The following CAPZA2 variants were observed in gnomAD, a reference collection of about 807,000 sequenced individuals.
CAPZA2 encodes capping actin protein of muscle Z-line subunit alpha 2.
CAPZA2 carries 13 observed loss-of-function variants against 44.0 expected under a neutral mutation model. The ratio of observed to expected loss-of-function variants is 0.30; its 90% CI spans 0.19 to 0.47. The LOEUF (loss-of-function observed/expected upper bound fraction) is 0.47, where lower values mean the gene tolerates loss of function less well. CAPZA2 is among the 20% of genes least tolerant of loss of function. The pLI, the probability that CAPZA2 is intolerant of heterozygous loss-of-function variation, is 1.00. For missense variants in CAPZA2, 244 were observed against 338.6 expected (o/e 0.72, Z 2.19); for synonymous variants, 94 against 108.2 (o/e 0.87, Z 0.81).
At chr7:116,911,663 A>G (rs1364944101) in intron 7 of CAPZA2, among the ~76,000 whole-genome samples, 1 of 152,212 alleles carries the variant, frequency 6.6e-6, no homozygotes, top group East Asian at 1.9e-4. Flanking sequence ...CAGTGTTTAC[A>G]GCACTCATTC....
chr7:116,916,246 G>GC, intron 9 of CAPZA2, 124 bp downstream of exon 9: 5 of 967,060 alleles, frequency 5.2e-6, no homozygotes, highest in South Asian at 2.4e-5. Context: ...TTGTGTGTCT[G>GC]CTTTTAACAC....
intron 4 of CAPZA2, among the ~76,000 whole-genome samples, chr7:116,902,204 G>A (rs1797004583): frequency 6.6e-6 from 1 of 152,158 alleles, no homozygotes; most frequent in Non-Finnish European, 1.5e-5. Flanking sequence ...GTTTTAAAAT[G>A]TGAAAAGTGG....
chr7:116,904,969 TAAAAA>T (rs371485695), intron 5 of CAPZA2, among the ~76,000 whole-genome samples: 5 of 95,630 alleles, frequency 5.2e-5, no homozygotes, highest in Admixed American at 1.2e-4. Flanking sequence ...TGTCTCTACT[TAAAAA>T]AAAAAAAAAA....
rs900504707 is a variant in CAPZA2, at chr7:116,918,518, C to T, written c.*651C>T. ...AATGAAAATACTTATTTCAGAAATGCATTTAATGCTTTTTTTCTTGTGACA... is the reference window on the plus strand; with the variant it reads ...AATGAAAATACTTATTTCAGAAATGTATTTAATGCTTTTTTTCTTGTGACA... On this transcript the variant is annotated 3_prime_UTR_variant, in exon 10 of 10. Transcript: ENST00000361183. 2 of 152,550 alleles carry T rather than the reference C, an allele frequency of 1.3e-5. No individual in the cohort carries two copies. The highest frequency in any genetic ancestry group is 2.4e-5 in the African/African-American group (1 of 41,416). 9.4% of individuals were successfully genotyped at this position (152,550 alleles called of 1,614,324 possible).
At position 116,901,044 on chromosome 7, in the gene CAPZA2, T is replaced by C. The variant is rs185146672; in HGVS notation, c.219+2209T>C. Among the ~76,000 whole-genome samples, 29 of 152,212 alleles carry C rather than the reference T, an allele frequency of 1.9e-4. No individual in the cohort carries two copies. The East Asian group carries it at 5.6e-3, about 29-fold the overall frequency. The stretch of plus-strand genomic sequence containing the variant: ...TGGTGAGGTTACGGAGCAAAAGGAA[T>C]GCTTATACACTGTTGGTGGGAGTGT... On this transcript the variant is annotated intron_variant, in intron 4 of 9. Transcript: ENST00000361183.
intron 3 of CAPZA2, among the ~76,000 whole-genome samples, chr7:116,897,323 A>G (rs1322146880): frequency 6.6e-6 from 1 of 152,214 alleles, no homozygotes; most frequent in Non-Finnish European, 1.5e-5. Flanking sequence ...TGAATTAGGA[A>G]AATGAGAAGT....
intron 9 of CAPZA2, 48 bp from the exon 10 acceptor site, chr7:116,917,679 G>T (rs527262955): frequency 1.5e-6 from 2 of 1,327,366 alleles, no homozygotes; most frequent in South Asian, 1.2e-5. Flanking sequence ...TTTATAAATT[G>T]TTCTGTTCTT....
intron 3 of CAPZA2, among the ~76,000 whole-genome samples, chr7:116,894,806 C>T (rs1245713822): frequency 6.6e-6 from 1 of 152,144 alleles, no homozygotes; most frequent in Non-Finnish European, 1.5e-5. Context: ...CAAAGTTTAT[C>T]CATATTGTAG....
chr7:116,896,616 A>G (rs990879804), intron 3 of CAPZA2, among the ~76,000 whole-genome samples: 3 of 152,192 alleles, frequency 2.0e-5, no homozygotes, highest in Non-Finnish European at 2.9e-5. Context: ...GGAGAAAAGT[A>G]TAAGATACAA....
intron 3 of CAPZA2, 98 bp from the exon 4 acceptor site, chr7:116,898,673 TG>T (rs1796956493): frequency 1.8e-5 from 12 of 665,148 alleles, no homozygotes; most frequent in Non-Finnish European, 2.8e-5. Context: ...CAGTGTGCAA[TG>T]TAGGAGGAGA....
chr7:116,864,022 A>G (rs1796451119), intron 1 of CAPZA2, among the ~76,000 whole-genome samples: 1 of 152,192 alleles, frequency 6.6e-6, no homozygotes, highest in Admixed American at 6.6e-5. Flanking sequence ...CAACGTCTCC[A>G]TAGCCCACAG....
rs1000702580 is a variant in CAPZA2, at chr7:116,906,294, C to A, written c.458C>A (p.Thr153Asn). The A allele has an allele frequency of 6.2e-7, 1 of 1,612,636 alleles. No individual in the cohort carries two copies. The highest frequency in any genetic ancestry group is 8.5e-7 in the Non-Finnish European group (1 of 1,179,696). The change falls in exon 6 of 10, where the codon ACC (threonine) becomes AAC (asparagine). Residue 153 changes from threonine (T) to asparagine (N), a missense_variant. Transcript: ENST00000361183. ...VYGKKIDGQQ[T>N]IIACIESHQF... ...GGCAAAAAAATAGATGGACAGCAAA[C>A]CATTATTGCATGCATAGAAAGCCAT...
chr7:116,863,121 A>C (rs1482972434), intron 1 of CAPZA2, among the ~76,000 whole-genome samples: 1 of 152,162 alleles, frequency 6.6e-6, no homozygotes, highest in Non-Finnish European at 1.5e-5. Flanking sequence ...GAAGGGAAAA[A>C]TCGCTTAGGA....
intron 2 of CAPZA2, among the ~76,000 whole-genome samples, chr7:116,890,549 TATATATATATATATATATAC>T (rs1562959943): frequency 8.1e-4 from 9 of 11,160 alleles, no homozygotes; most frequent in African/African-American, 3.3e-3. Context: ...TATATATATA[TATATATATATATATATATAC>T]ACATATATAT....
Position 116,898,806 on chromosome 7 carries a change from C to T in CAPZA2, c.190C>T (p.Pro64Ser). ...FAQYNLDQFTPVKIEGYEDQV... is the reference protein window; with the variant it reads ...FAQYNLDQFTSVKIEGYEDQV... Reference sequence around the variant, plus strand: ...ACAGTATAACTTGGACCAGTTTACTCCAGTAAAAATTGAAGGTTATGAAGA... The same window carrying T: ...ACAGTATAACTTGGACCAGTTTACTTCAGTAAAAATTGAAGGTTATGAAGA... The change falls in exon 4 of 10, where the codon CCA becomes TCA. Residue 64 changes from proline to serine, a missense_variant. Physicochemically the swap from Pro to Ser is moderately conservative, Grantham distance 74. Transcript: ENST00000361183. The T allele has an allele frequency of 3.1e-6, 5 of 1,598,036 alleles. No homozygotes were observed. Among genetic ancestry groups the T allele is most frequent in the African/African-American group, 1.3e-5 (1 of 74,534 alleles).
At position 116,913,658 on chromosome 7, in the gene CAPZA2, G is replaced by C. The variant is rs1791625802; in HGVS notation, c.657+1518G>C. ...GACAAGACCTGGCTCTGTCACCCAG[G>C]CTGGCATGATCTCAGCTCACTGCAA... On this transcript the variant is annotated intron_variant, in intron 8 of 9. Coordinates refer to ENST00000361183, the MANE Select transcript of CAPZA2 (RefSeq NM_006136.3). Among the ~76,000 whole-genome samples the C allele has an allele frequency of 2.0e-5, 3 of 151,974 alleles. No homozygotes were observed. In the South Asian group the frequency reaches 6.2e-4, roughly 31 times the overall value.
intron 3 of CAPZA2, among the ~76,000 whole-genome samples, 179 bp downstream of exon 3, chr7:116,893,224 G>A (rs1224420892): frequency 1.3e-5 from 2 of 151,988 alleles, no homozygotes; most frequent in South Asian, 2.1e-4. Context: ...TCTGCCTCCC[G>A]GGTACAAGCG....
chr7:116,919,459 T>G lies in CAPZA2; in HGVS notation c.*1592T>G, dbSNP rs1290973283. On this transcript the variant is annotated 3_prime_UTR_variant, in exon 10 of 10. Transcript: ENST00000361183. ...TCAGTTAGGCCATCATGAGTTTCTATCCCATGAAAGTCATCAATTTCCTAT... is the reference window on the plus strand; with the variant it reads ...TCAGTTAGGCCATCATGAGTTTCTAGCCCATGAAAGTCATCAATTTCCTAT... The G allele has an allele frequency of 6.6e-6, 1 of 152,178 alleles. No individual in the cohort carries two copies. Among genetic ancestry groups the G allele is most frequent in the Non-Finnish European group, 1.5e-5 (1 of 68,026 alleles). 9.4% of individuals were successfully genotyped at this position (152,178 alleles called of 1,614,324 possible). A position where few individuals can be genotyped will look rare whatever the true frequency, so the allele number is the denominator to read the frequency against.
intron 3 of CAPZA2, among the ~76,000 whole-genome samples, chr7:116,895,505 C>T (rs554349382): frequency 7.5e-4 from 114 of 152,182 alleles, no homozygotes; most frequent in African/African-American, 2.6e-3. Context: ...ACAGGAAATA[C>T]ATGATATTCT....
Sources: allele counts gnomAD v4.1 joint callset (sites outside exome capture counted in the v4.1 genomes callset), GRCh38; gene constraint gnomAD v4.1.1; transcripts MANE v1.5; gene names NCBI Gene and HGNC (gene_info 2026-07-23, HGNC 2026-07-21).